Variants in RHOQ observed in about 807,000 individuals in gnomAD.
The protein encoded by RHOQ is rho-related GTP-binding protein RhoQ.
RHOQ carries 7 observed loss-of-function variants against 25.8 expected under a neutral mutation model. The observed-to-expected ratio is 0.27, with a 90% confidence interval of 0.15 to 0.51. The LOEUF (loss-of-function observed/expected upper bound fraction) is 0.51. Among genes scored for constraint, RHOQ ranks in the 20% least tolerant of loss-of-function variants. The pLI, the probability that RHOQ is intolerant of heterozygous loss-of-function variation, is 0.97. For missense variants in RHOQ, 165 were observed against 260.6 expected (o/e 0.63, Z 2.53); for synonymous variants, 97 against 98.6 (o/e 0.98, Z 0.10).
In RHOQ at chr2:46,546,515, TATAC is replaced by T. The variant is rs1401923650; in HGVS notation, c.201+2707_201+2710del. The stretch of plus-strand genomic sequence containing the variant: ...ATATATATATATATATATATATGTA[TATAC>T]ATATATATATATACACAAATCCTTA... On this transcript the variant is annotated intron_variant, in intron 2 of 4. Transcript: ENST00000238738. 6.6e-4 allele frequency among the ~76,000 whole-genome samples: 16 copies of T among 24,190 alleles called. 2 individuals carry two copies. Among genetic ancestry groups the T allele is most frequent in the South Asian group, 1.8e-3 (1 of 560 alleles). The allele number at this position is 24,190 out of a possible 152,430, so 15.9% of individuals were successfully genotyped here. A position where few individuals can be genotyped will look rare whatever the true frequency, so the allele number is the denominator to read the frequency against.
At chr2:46,572,810 G>C in intron 2 of RHOQ, 1 of 442,474 alleles carries the variant, frequency 2.3e-6, no homozygotes. Context: ...CTCTACATTT[G>C]ACTTCTTTGT....
chr2:46,574,391 G>T (rs150164539), intron 2 of RHOQ, among the ~76,000 whole-genome samples: 1 of 151,010 alleles, frequency 6.6e-6, no homozygotes, highest in African/African-American at 2.4e-5. Context: ...GTAGAGCCCA[G>T]AAAGTACATA....
chr2:46,558,961 T>C (rs1668486333), intron 2 of RHOQ, among the ~76,000 whole-genome samples: 1 of 152,176 alleles, frequency 6.6e-6, no homozygotes, highest in African/African-American at 2.4e-5. Flanking sequence ...AGGTTTTGTT[T>C]TGTTTTGTTT....
At chr2:46,575,206 G>C (rs901239123) in intron 2 of RHOQ, among the ~76,000 whole-genome samples, 6 of 152,148 alleles carry the variant, frequency 3.9e-5, no homozygotes, top group Non-Finnish European at 8.8e-5. Flanking sequence ...CCAAGACAAA[G>C]AAAGTGCAGA....
chr2:46,551,026 G>C (rs566344769), intron 2 of RHOQ, among the ~76,000 whole-genome samples: 4 of 152,328 alleles, frequency 2.6e-5, no homozygotes, highest in African/African-American at 9.6e-5. Context: ...ATGGGGGCCA[G>C]TAGAGTACTG....
In RHOQ at chr2:46,569,868, T is replaced by C. The variant is rs572321826; in HGVS notation, c.202-6219T>C. 6.6e-6 allele frequency among the ~76,000 whole-genome samples: 1 copy of C among 152,302 alleles called. No individual in the cohort carries two copies. The highest frequency in any genetic ancestry group is 1.9e-4 in the East Asian group (1 of 5,194). On this transcript the variant is annotated intron_variant, in intron 2 of 4. Transcript: ENST00000238738. The surrounding 1 kb of genome is among the most constrained non-coding windows in gnomAD (Gnocchi z 4.1). ...TGTTTGCAAAGTTTTTGAAAAACAG[T>C]GACCTCTTAAGAATTTATAGCACCT... is the stretch of plus-strand genomic sequence containing the variant.
chr2:46,548,321 C>T lies in RHOQ; in HGVS notation c.201+4509C>T, dbSNP rs1364722917. Among the ~76,000 whole-genome samples, 1 of 152,196 alleles carries T rather than the reference C, an allele frequency of 6.6e-6. No homozygotes were observed. Among genetic ancestry groups the T allele is most frequent in the Non-Finnish European group, 1.5e-5 (1 of 68,036 alleles). On this transcript the variant is annotated intron_variant, in intron 2 of 4. Transcript: ENST00000238738. The surrounding 1 kb of genome is among the most constrained non-coding windows in gnomAD (Gnocchi z 5.2). ...TTCCCCTACAGAAGGGAATCTCCACCGGAGGCAGGCTTGGCATGCCCCACC... is the reference window on the plus strand; with the variant it reads ...TTCCCCTACAGAAGGGAATCTCCACTGGAGGCAGGCTTGGCATGCCCCACC...
intron 2 of RHOQ, among the ~76,000 whole-genome samples, chr2:46,544,112 A>G (rs1314901247): frequency 6.6e-6 from 1 of 152,150 alleles, no homozygotes; most frequent in Non-Finnish European, 1.5e-5. Context: ...GGCAGCAGCC[A>G]ATCATGAAGC....
At chr2:46,574,584 C>A (rs1469979128) in intron 2 of RHOQ, among the ~76,000 whole-genome samples, 1 of 152,170 alleles carries the variant, frequency 6.6e-6, no homozygotes, top group Non-Finnish European at 1.5e-5. Context: ...GAGGCGTTCA[C>A]TTTAAAAAAT....
intron 2 of RHOQ, among the ~76,000 whole-genome samples, chr2:46,557,457 C>CAT (rs1358732853): frequency 1.3e-5 from 2 of 151,766 alleles, no homozygotes; most frequent in African/African-American, 2.4e-5. Flanking sequence ...GAATCAAAAC[C>CAT]ATATATATAT....
chr2:46,571,597 C>G (rs996330255), intron 2 of RHOQ, among the ~76,000 whole-genome samples: 70 of 152,266 alleles, frequency 4.6e-4, no homozygotes, highest in African/African-American at 1.5e-3. Context: ...TTAAGCATTT[C>G]TATATTCACT....
chr2:46,543,078 A>T lies in RHOQ; in HGVS notation c.32A>T (p.Lys11Met). 6.2e-7 allele frequency: 1 copy of T among 1,607,934 alleles called. No homozygotes were observed. The highest frequency in any genetic ancestry group is 8.5e-7 in the Non-Finnish European group (1 of 1,177,710). The change falls in exon 1 of 5, where the codon AAG (lysine) becomes ATG (methionine). Residue 11 changes from lysine (K) to methionine (M), a missense_variant. Transcript: ENST00000238738. Reference sequence around the variant, plus strand: ...CACGGGCCCGGCGCGCTGATGCTCAAGTGCGTGGTGGTCGGCGACGGGGCG... The same window carrying T: ...CACGGGCCCGGCGCGCTGATGCTCATGTGCGTGGTGGTCGGCGACGGGGCG... MAHGPGALML[K>M]CVVVGDGAVG...
chr2:46,551,854 A>C (rs1668251624), intron 2 of RHOQ, among the ~76,000 whole-genome samples: 1 of 152,174 alleles, frequency 6.6e-6, no homozygotes, highest in Non-Finnish European at 1.5e-5. Flanking sequence ...TACCGCCTTG[A>C]GTTCCCTCAC....
At chr2:46,557,398 T>C (rs2103997078) in intron 2 of RHOQ, among the ~76,000 whole-genome samples, 1 of 152,228 alleles carries the variant, frequency 6.6e-6, no homozygotes, top group East Asian at 1.9e-4. Flanking sequence ...TCAACAAATA[T>C]TTAAAGAAAT....
chr2:46,562,163 TG>T (rs1436067539), intron 2 of RHOQ, among the ~76,000 whole-genome samples: 1 of 152,090 alleles, frequency 6.6e-6, no homozygotes, highest in African/African-American at 2.4e-5. Context: ...TTCACCAGAC[TG>T]TAGGGTCTAT....
chr2:46,558,613 T>C (rs1414024245), intron 2 of RHOQ, among the ~76,000 whole-genome samples: 1 of 152,156 alleles, frequency 6.6e-6, no homozygotes, highest in Non-Finnish European at 1.5e-5. Flanking sequence ...ATCATAGGCT[T>C]TGGGGTAGGG....
chr2:46,544,916 C>T (rs1667998348), intron 2 of RHOQ, among the ~76,000 whole-genome samples: 2 of 152,212 alleles, frequency 1.3e-5, no homozygotes, highest in African/African-American at 2.4e-5. Flanking sequence ...ACACTAGGTG[C>T]TCAATAAAGG....
chr2:46,570,866 C>A (rs13420857), intron 2 of RHOQ, among the ~76,000 whole-genome samples: 2 of 152,122 alleles, frequency 1.3e-5, no homozygotes, highest in South Asian at 4.1e-4. Context: ...GTTTCTCATT[C>A]TAGGTTGTTA....
chr2:46,546,174 G>A (rs988315943), intron 2 of RHOQ, among the ~76,000 whole-genome samples: 4 of 151,768 alleles, frequency 2.6e-5, no homozygotes, highest in African/African-American at 7.3e-5. Flanking sequence ...ACTATGTCCA[G>A]GTACTTTTGC....
Sources: allele counts gnomAD v4.1 joint callset (sites outside exome capture counted in the v4.1 genomes callset), GRCh38; gene constraint gnomAD v4.1.1; non-coding constraint Gnocchi (gnomAD v3.1); transcripts MANE v1.5; gene names NCBI Gene and HGNC (gene_info 2026-07-23, HGNC 2026-07-21).